The following SEZ6L variants were observed in gnomAD, a reference collection of about 807,000 sequenced individuals.
The protein encoded by SEZ6L is seizure 6-like protein.
Under a neutral mutation model 106.2 loss-of-function variants are expected in SEZ6L, and 37 were observed. The ratio of observed to expected loss-of-function variants is 0.35; its 90% CI spans 0.27 to 0.46. The LOEUF (loss-of-function observed/expected upper bound fraction) is 0.46, where lower values mean the gene tolerates loss of function less well. Ranked by LOEUF, SEZ6L falls within the 20% of genes least tolerant of loss-of-function variation. The probability of loss-of-function intolerance (pLI) is 1.00; values close to 1 mark genes in which losing one functional copy is unlikely to be tolerated. For missense variants in SEZ6L, 1,172 were observed against 1,332.8 expected, an observed-to-expected ratio of 0.88 and a Z score of 1.88; for synonymous variants, 541 against 570.4, an observed-to-expected ratio of 0.95 and a Z score of 0.73.
chr22:26,243,298 A>G (rs2079201288), intron 1 of SEZ6L, among the ~76,000 whole-genome samples: 2 of 152,232 alleles, frequency 1.3e-5, no homozygotes, highest in African/African-American at 4.8e-5. Context: ...ACAAATATCC[A>G]TTGAATTTAT....
chr22:26,326,962 G>A (rs971427768), intron 9 of SEZ6L, among the ~76,000 whole-genome samples: 1 of 152,212 alleles, frequency 6.6e-6, no homozygotes, highest in Non-Finnish European at 1.5e-5. Context: ...CCCACGCCAG[G>A]CGGGGACGGC....
intron 1 of SEZ6L, among the ~76,000 whole-genome samples, chr22:26,268,891 T>G (rs2080273537): frequency 6.6e-6 from 1 of 152,204 alleles, no homozygotes; most frequent in Admixed American, 6.5e-5. Flanking sequence ...GGTTAGGGAA[T>G]AAATACTGCC....
chr22:26,299,683 T>C (rs897480211), intron 5 of SEZ6L, among the ~76,000 whole-genome samples: 4 of 152,264 alleles, frequency 2.6e-5, no homozygotes, highest in African/African-American at 9.6e-5. Flanking sequence ...TGAATAATAT[T>C]CCATTGTATG....
chr22:26,196,474 G>A (rs1940587919), intron 1 of SEZ6L, among the ~76,000 whole-genome samples: 1 of 152,134 alleles, frequency 6.6e-6, no homozygotes, highest in African/African-American at 2.4e-5. Flanking sequence ...GGCAAATGAG[G>A]GCAAGCCTGC....
At chr22:26,295,300 G>A (rs1315928022) in intron 3 of SEZ6L, among the ~76,000 whole-genome samples, 3 of 152,304 alleles carry the variant, frequency 2.0e-5, no homozygotes, top group South Asian at 2.1e-4. Flanking sequence ...CAGAAATCGC[G>A]ACCATGCAGT....
intron 16 of SEZ6L, 148 bp from the exon 17 acceptor site, chr22:26,380,118 G>A: frequency 3.0e-6 from 2 of 658,960 alleles, no homozygotes. Context: ...TAACCCATTG[G>A]CAAAAGCAAA....
chr22:26,250,500 G>A (rs12166898), intron 1 of SEZ6L, among the ~76,000 whole-genome samples: 8 of 152,056 alleles, frequency 5.3e-5, no homozygotes, highest in East Asian at 1.9e-4. Flanking sequence ...CTGGGTTTGC[G>A]ATTCTGTTCC....
chr22:26,373,425 C>T, intron 13 of SEZ6L, 26 bp from the exon 14 acceptor site: 3 of 1,599,736 alleles, frequency 1.9e-6, no homozygotes, highest in Non-Finnish European at 2.6e-6. Flanking sequence ...TTTACATTGA[C>T]CAATGCTTCC....
chr22:26,215,418 T>A (rs979622647), intron 1 of SEZ6L, among the ~76,000 whole-genome samples: 1 of 152,172 alleles, frequency 6.6e-6, no homozygotes, highest in Non-Finnish European at 1.5e-5. Flanking sequence ...GAGGTCCTGG[T>A]CTTCTTTTTC....
intron 1 of SEZ6L, among the ~76,000 whole-genome samples, chr22:26,281,063 C>A (rs1260800553): frequency 6.6e-6 from 1 of 152,000 alleles, no homozygotes; most frequent in African/African-American, 2.4e-5. Flanking sequence ...GAATTTAATC[C>A]CCAGGGTGAC....
intron 10 of SEZ6L, among the ~76,000 whole-genome samples, chr22:26,342,724 C>T (rs2082879121): frequency 6.6e-6 from 1 of 151,554 alleles, no homozygotes; most frequent in African/African-American, 2.4e-5. Context: ...AAAGAATTGT[C>T]CATCTCTAAC....
chr22:26,234,061 T>C (rs934104541), intron 1 of SEZ6L, among the ~76,000 whole-genome samples: 1 of 152,130 alleles, frequency 6.6e-6, no homozygotes, highest in African/African-American at 2.4e-5. Flanking sequence ...AGGAGTTTGA[T>C]TGTATTCTTA....
intron 12 of SEZ6L, among the ~76,000 whole-genome samples, chr22:26,357,152 C>T (rs1156843990): frequency 1.3e-5 from 2 of 152,068 alleles, no homozygotes; most frequent in African/African-American, 2.4e-5. Context: ...GGGGTTTCAC[C>T]GTGTTAGCCA....
chr22:26,261,304 T>C (rs1444858511), intron 1 of SEZ6L, among the ~76,000 whole-genome samples: 1 of 152,218 alleles, frequency 6.6e-6, no homozygotes, highest in Admixed American at 6.5e-5. Flanking sequence ...ATGAAGTCTT[T>C]GCCTAAGCCA....
At chr22:26,319,489 C>T (rs1432967251) in intron 9 of SEZ6L, among the ~76,000 whole-genome samples, 2 of 152,194 alleles carry the variant, frequency 1.3e-5, no homozygotes, top group Non-Finnish European at 2.9e-5. Context: ...CTTTATTCCT[C>T]TCTTCTCCTT....
chr22:26,292,302 C>T lies in SEZ6L; in HGVS notation c.95-104C>T, dbSNP rs559751176. 65 of 847,214 alleles carry T rather than the reference C, an allele frequency of 7.7e-5. No individual in the cohort carries two copies. In the East Asian group the frequency reaches 1.3e-3, roughly 17 times the overall value. The allele number at this position is 847,214 out of a possible 1,614,324, so 52.5% of individuals were successfully genotyped here. On this transcript the variant is annotated intron_variant, in intron 1 of 16. Coordinates refer to ENST00000248933, the MANE Select transcript of SEZ6L (RefSeq NM_021115.5). ...GAAGTTGGTTTAGAGGCCAGCCGGA[C>T]GAGCTTTGGGCACCGCCCTTAGGAG...
chr22:26,216,641 G>C (rs575792265), intron 1 of SEZ6L, among the ~76,000 whole-genome samples: 1 of 151,242 alleles, frequency 6.6e-6, no homozygotes, highest in South Asian at 2.1e-4. Context: ...TGGTGACAGA[G>C]TGAGACTCCA....
At chr22:26,235,139 T>G (rs1232934839) in intron 1 of SEZ6L, among the ~76,000 whole-genome samples, 1 of 152,172 alleles carries the variant, frequency 6.6e-6, no homozygotes, top group East Asian at 1.9e-4. Flanking sequence ...GTCTCTCAAA[T>G]TTGGCACTAT....
At chr22:26,226,483 A>G (rs577173718) in intron 1 of SEZ6L, among the ~76,000 whole-genome samples, 1 of 152,222 alleles carries the variant, frequency 6.6e-6, no homozygotes, top group Non-Finnish European at 1.5e-5. Flanking sequence ...TTGAAATCAG[A>G]ACCTTAAGCA....
Sources: gnomAD v4.1 joint callset for allele counts (sites outside exome capture counted in the v4.1 genomes callset) on GRCh38, gnomAD v4.1.1 for gene constraint, MANE v1.5 for transcripts, NCBI Gene and HGNC (gene_info 2026-07-23, HGNC 2026-07-21) for gene names.